The following ARHGAP31 variants were observed in gnomAD, a reference collection of about 807,000 sequenced individuals.
ARHGAP31 encodes the protein rho GTPase-activating protein 31.
ARHGAP31 carries 34 observed loss-of-function variants against 113.9 expected under a neutral mutation model. The ratio of observed to expected loss-of-function variants is 0.30; its 90% CI spans 0.23 to 0.40. The LOEUF (loss-of-function observed/expected upper bound fraction) is 0.40, where lower values mean the gene tolerates loss of function less well. Among genes scored for constraint, ARHGAP31 ranks in the 10% least tolerant of loss-of-function variants. The pLI, the probability that ARHGAP31 is intolerant of heterozygous loss-of-function variation, is 1.00. For missense variants in ARHGAP31, 1,548 were observed against 1,767.1 expected (o/e 0.88, Z 2.22); for synonymous variants, 650 against 684.8 (o/e 0.95, Z 0.79).
intron 1 of ARHGAP31, among the ~76,000 whole-genome samples, chr3:119,310,573 T>TGCG (rs2079670712): frequency 6.6e-6 from 1 of 152,202 alleles, no homozygotes; most frequent in East Asian, 1.9e-4. Context: ...GCCAATCCTA[T>TGCG]TGTGAACTGC....
intron 1 of ARHGAP31, among the ~76,000 whole-genome samples, chr3:119,325,504 C>T (rs1335911101): frequency 6.6e-6 from 1 of 152,206 alleles, no homozygotes; most frequent in East Asian, 1.9e-4. Flanking sequence ...CTGGGTCTGC[C>T]TCTTCCCACT....
chr3:119,391,784 C>T (rs2080507398), intron 7 of ARHGAP31, among the ~76,000 whole-genome samples: 1 of 152,128 alleles, frequency 6.6e-6, no homozygotes, highest in African/African-American at 2.4e-5. Context: ...TGCCACCTTG[C>T]ACAACTAGGA....
In ARHGAP31 at chr3:119,367,670, A is replaced by C. The variant is rs193100815; in HGVS notation, c.204-702A>C. ...TCAGGAGATCGAGACCATCCTGGCT[A>C]ACGTGGTGAAACCCCATCTGCACTA... is the stretch of plus-strand genomic sequence containing the variant. On this transcript the variant is annotated intron_variant, in intron 2 of 11. Transcript: ENST00000264245. Among the ~76,000 whole-genome samples the C allele has an allele frequency of 4.1e-3, 630 of 152,182 alleles. 5 individuals carry two copies. Among genetic ancestry groups the C allele is most frequent in the Non-Finnish European group, 4.3e-3 (292 of 68,000 alleles).
At chr3:119,376,536 C>T (rs1007758183) in intron 3 of ARHGAP31, among the ~76,000 whole-genome samples, 3 of 152,160 alleles carry the variant, frequency 2.0e-5, no homozygotes, top group African/African-American at 7.2e-5. Flanking sequence ...CCGCTGTCCC[C>T]AAAGCCTTTG....
intron 1 of ARHGAP31, among the ~76,000 whole-genome samples, chr3:119,307,470 C>T (rs2079640121): frequency 6.6e-6 from 1 of 152,034 alleles, no homozygotes; most frequent in Non-Finnish European, 1.5e-5. Context: ...ATTCCAAGGC[C>T]CCCATCTATC....
At chr3:119,297,734 A>G (rs7637171) in intron 1 of ARHGAP31, among the ~76,000 whole-genome samples, 108,975 of 152,080 alleles carry the variant, frequency 0.72, 40,528 homozygotes, top group African/African-American at 0.93. Context: ...AATGAATGTC[A>G]TATGCTTCTG....
At chr3:119,296,883 A>T (rs529058315) in intron 1 of ARHGAP31, among the ~76,000 whole-genome samples, 6 of 152,286 alleles carry the variant, frequency 3.9e-5, no homozygotes, top group South Asian at 2.1e-4. Flanking sequence ...ATCATGAAGG[A>T]TCGGAGGGCC....
At position 119,386,292 on chromosome 3, in the gene ARHGAP31, A is replaced by G. The variant is rs147484922; in HGVS notation, c.682+3066A>G. On this transcript the variant is annotated intron_variant, in intron 6 of 11. Coordinates refer to ENST00000264245, the MANE Select transcript of ARHGAP31 (RefSeq NM_020754.4). The stretch of plus-strand genomic sequence containing the variant: ...AAAAATACCATGAACTGGTTAGCTT[A>G]TAAGCAATAAACCTATTTCTCTCAC... Among the ~76,000 whole-genome samples, 350 of 152,338 alleles carry G rather than the reference A, an allele frequency of 2.3e-3. 1 individual carries two copies. The highest frequency in any genetic ancestry group is 7.9e-3 in the African/African-American group (329 of 41,580).
intron 3 of ARHGAP31, among the ~76,000 whole-genome samples, chr3:119,373,379 A>C (rs551649731): frequency 6.6e-6 from 1 of 152,332 alleles, no homozygotes; most frequent in African/African-American, 2.4e-5. Flanking sequence ...TTGCACATTA[A>C]ATAAATAATT....
chr3:119,336,735 T>C (rs892629200), intron 1 of ARHGAP31, among the ~76,000 whole-genome samples: 1 of 152,232 alleles, frequency 6.6e-6, no homozygotes, highest in African/African-American at 2.4e-5. Context: ...TATACAACAA[T>C]GACCACAATC....
In ARHGAP31 at chr3:119,363,752, A is replaced by T. The variant is rs181349744; in HGVS notation, c.101-1564A>T. Among the ~76,000 whole-genome samples the T allele has an allele frequency of 1.1e-4, 16 of 152,344 alleles. 1 individual carries two copies. In the East Asian group the frequency reaches 3.1e-3, roughly 29 times the overall value. The stretch of plus-strand genomic sequence containing the variant: ...GTAGGCATGAGTATATGTAATAAGC[A>T]TTAATGAATTAGCATTGATGTAATC... On this transcript the variant is annotated intron_variant, in intron 1 of 11. Transcript: ENST00000264245.
intron 1 of ARHGAP31, among the ~76,000 whole-genome samples, chr3:119,315,923 A>G (rs1352838538): frequency 6.6e-6 from 1 of 152,230 alleles, no homozygotes; most frequent in African/African-American, 2.4e-5. Flanking sequence ...GAGTACTCTT[A>G]CAAATCGTCT....
Position 119,295,054 on chromosome 3 carries a change from G to A in ARHGAP31, c.100+50G>A, listed in dbSNP as rs766818634. ...CCGCCCCCACCTTCTTTTTGTTTGAGGGAGAGACGGACTCTCTCGAGTTGT... is the reference window on the plus strand; with the variant it reads ...CCGCCCCCACCTTCTTTTTGTTTGAAGGAGAGACGGACTCTCTCGAGTTGT... On this transcript the variant is annotated intron_variant, in intron 1 of 11. Transcript: ENST00000264245. 74 of 1,549,510 alleles carry A rather than the reference G, an allele frequency of 4.8e-5. No homozygotes were observed. The Middle Eastern group carries it at 1.2e-3, about 25-fold the overall frequency.
chr3:119,326,807 C>T (rs2079847962), intron 1 of ARHGAP31, among the ~76,000 whole-genome samples: 1 of 152,204 alleles, frequency 6.6e-6, no homozygotes, highest in Non-Finnish European at 1.5e-5. Context: ...CTGACAGATA[C>T]TTACCCTGAT....
chr3:119,336,681 CTATT>C (rs150253753), intron 1 of ARHGAP31, among the ~76,000 whole-genome samples: 9,759 of 152,040 alleles, frequency 0.064, 460 homozygotes, highest in Admixed American at 0.16. Context: ...ACACAGCCAC[CTATT>C]TAAAGTATAC....
chr3:119,299,166 GA>G (rs112442226), intron 1 of ARHGAP31, among the ~76,000 whole-genome samples: 4,493 of 152,238 alleles, frequency 0.03, 201 homozygotes, highest in African/African-American at 0.099. Context: ...ACAGCTTTAA[GA>G]AAAAAATGCT....
rs1000872222 is a variant in ARHGAP31, at chr3:119,412,984, C to T, written c.1927-872C>T. Reference sequence around the variant, plus strand: ...AGTGAGCTGAGATCACGCCACTGCACTCCATCCAGGGCAATAGAGCGAGAC... The same window carrying T: ...AGTGAGCTGAGATCACGCCACTGCATTCCATCCAGGGCAATAGAGCGAGAC... On this transcript the variant is annotated intron_variant, in intron 11 of 11. Transcript: ENST00000264245. 4.0e-5 allele frequency among the ~76,000 whole-genome samples: 6 copies of T among 151,792 alleles called. No individual in the cohort carries two copies. In the East Asian group the frequency reaches 7.8e-4, roughly 20 times the overall value.
At chr3:119,371,047 C>T (rs114236926) in intron 3 of ARHGAP31, among the ~76,000 whole-genome samples, 1,770 of 152,154 alleles carry the variant, frequency 0.012, 34 homozygotes, top group African/African-American at 0.037. Context: ...CTTATTGTTG[C>T]TTTAATTTGT....
intron 1 of ARHGAP31, among the ~76,000 whole-genome samples, chr3:119,357,769 T>C (rs927535625): frequency 6.6e-6 from 1 of 152,212 alleles, no homozygotes; most frequent in Non-Finnish European, 1.5e-5. Context: ...AAAGGGTGGT[T>C]TCAAAAATGT....
Sources: gnomAD v4.1 joint callset for allele counts (sites outside exome capture counted in the v4.1 genomes callset) on GRCh38, gnomAD v4.1.1 for gene constraint, MANE v1.5 for transcripts, NCBI Gene and HGNC (gene_info 2026-07-23, HGNC 2026-07-21) for gene names.